FSHR: variants seen among roughly 807,000 people sequenced by gnomAD.
FSHR encodes follicle stimulating hormone receptor, also known as follicle-stimulating hormone receptor.
FSHR carries 46 observed loss-of-function variants against 52.1 expected under a neutral mutation model. That is an observed-to-expected ratio of 0.88 (90% CI 0.70 to 1.13). The LOEUF (loss-of-function observed/expected upper bound fraction) is 1.13. Ranked by LOEUF, FSHR falls within the 50% of genes most tolerant of loss-of-function variation. The pLI is 0.00. For missense variants in FSHR, 964 were observed against 834.6 expected (o/e 1.16, Z -1.91); for synonymous variants, 399 against 309.6 (o/e 1.29, Z -3.03).
At chr2:49,008,166 ATCCC>A (rs1490117666) in intron 4 of FSHR, among the ~76,000 whole-genome samples, 1 of 50,642 alleles carries the variant, frequency 2.0e-5, no homozygotes, top group African/African-American at 4.7e-5. Flanking sequence ...TCCCAATGCT[ATCCC>A]TCCCCCCTCC....
intron 1 of FSHR, among the ~76,000 whole-genome samples, chr2:49,115,467 G>A (rs1171539436): frequency 6.6e-6 from 1 of 152,108 alleles, no homozygotes; most frequent in Non-Finnish European, 1.5e-5. Flanking sequence ...TAAACCAATA[G>A]TTGTTAATTC....
At chr2:49,030,563 C>T (rs141996167) in intron 2 of FSHR, among the ~76,000 whole-genome samples, 240 of 152,108 alleles carry the variant, frequency 1.6e-3, no homozygotes, top group African/African-American at 5.5e-3. Context: ...CTTTATGAGC[C>T]ACAGTGAAGG....
At chr2:49,113,533 T>C (rs554893000) in intron 1 of FSHR, among the ~76,000 whole-genome samples, 11 of 152,338 alleles carry the variant, frequency 7.2e-5, no homozygotes, top group African/African-American at 2.6e-4. Context: ...GAAACAAGAT[T>C]TAAATAAAAA....
chr2:49,086,742 G>A, intron 1 of FSHR, among the ~76,000 whole-genome samples: 1 of 152,180 alleles, frequency 6.6e-6, no homozygotes, highest in East Asian at 1.9e-4. Context: ...CCAGGTTCAA[G>A]TGATTCTCCC....
rs146467870 is a variant in FSHR, at chr2:48,978,167, G to T, written c.668+4745C>A. On this transcript the variant is annotated intron_variant, in intron 8 of 9. Coordinates refer to ENST00000406846, the MANE Select transcript of FSHR (RefSeq NM_000145.4). ...TGCATGGGTAGGAGGGTAGTAAGAGGCTGAGGCAGGAGAGGCAGGAGTTAA... is the reference window on the plus strand; with the variant it reads ...TGCATGGGTAGGAGGGTAGTAAGAGTCTGAGGCAGGAGAGGCAGGAGTTAA... Among the ~76,000 whole-genome samples, 66 of 152,320 alleles carry T rather than the reference G, an allele frequency of 4.3e-4. No individual in the cohort carries two copies. In the East Asian group the frequency reaches 0.012, roughly 27 times the overall value.
intron 1 of FSHR, among the ~76,000 whole-genome samples, chr2:49,085,010 C>G (rs71407550): frequency 1.3e-4 from 20 of 151,872 alleles, no homozygotes; most frequent in Non-Finnish European, 2.1e-4. Flanking sequence ...CCAGCATCAT[C>G]CTGATACCAA....
intron 2 of FSHR, among the ~76,000 whole-genome samples, chr2:49,060,781 C>G (rs1669259741): frequency 6.6e-6 from 1 of 152,186 alleles, no homozygotes; most frequent in East Asian, 1.9e-4. Flanking sequence ...AGATACCTCT[C>G]TCCCTGGGGA....
chr2:49,057,159 T>C (rs1382493860), intron 2 of FSHR, among the ~76,000 whole-genome samples: 1 of 151,676 alleles, frequency 6.6e-6, no homozygotes, highest in Non-Finnish European at 1.5e-5. Context: ...ACAAAAATAA[T>C]AAATATCAGA....
chr2:49,128,050 T>G (rs1439810156), intron 1 of FSHR, among the ~76,000 whole-genome samples: 7 of 151,394 alleles, frequency 4.6e-5, no homozygotes, highest in Admixed American at 2.6e-4. Context: ...CCTGGCTAAT[T>G]TTTCTATTTT....
intron 1 of FSHR, among the ~76,000 whole-genome samples, chr2:49,131,577 T>G (rs1672279121): frequency 6.6e-6 from 1 of 152,222 alleles, no homozygotes. Context: ...TTTTGTTTCT[T>G]TCTACCTAAA....
chr2:48,963,200 C>A lies in FSHR; in HGVS notation c.1621G>T (p.Ala541Ser). Residue 541 changes from alanine (A) to serine (S), a missense_variant, in exon 10 of 10, where the codon GCC becomes TCC. Physicochemically the swap from Ala to Ser is moderately conservative, Grantham distance 99 (BLOSUM62 1). Transcript: ENST00000406846. ...TAGCAGCCACAGATGACCACAAAGGCCAGGACATTGAGCACAAGGAGGGAC... is the reference window on the plus strand; with the variant it reads ...TAGCAGCCACAGATGACCACAAAGGACAGGACATTGAGCACAAGGAGGGAC... ...VMSLLVLNVL[A>S]FVVICGCYIH... The A allele has an allele frequency of 6.2e-7, 1 of 1,614,088 alleles. No individual in the cohort carries two copies. The highest frequency in any genetic ancestry group is 8.5e-7 in the Non-Finnish European group (1 of 1,180,014).
At chr2:49,088,774 A>G (rs1337011972) in intron 1 of FSHR, among the ~76,000 whole-genome samples, 1 of 152,210 alleles carries the variant, frequency 6.6e-6, no homozygotes. Flanking sequence ...TTTAGAGTCC[A>G]TGAACTCTGG....
intron 2 of FSHR, among the ~76,000 whole-genome samples, chr2:49,021,762 T>C (rs1278910556): frequency 6.6e-6 from 1 of 150,612 alleles, no homozygotes; most frequent in Non-Finnish European, 1.5e-5. Flanking sequence ...ACATCTTTCA[T>C]GATTTATTTG....
rs752180723 is a variant in FSHR, at chr2:49,091,276, AT to A, written c.153-22987del. On this transcript the variant is annotated intron_variant, in intron 1 of 9. Transcript: ENST00000406846. Reference sequence around the variant, plus strand: ...TAGATTTATGATACAATTTGGGAGAATTTTTGTGTACGGTATGAGGTTTAGA... The same window carrying A: ...TAGATTTATGATACAATTTGGGAGAATTTTGTGTACGGTATGAGGTTTAGA... 1.8e-4 allele frequency among the ~76,000 whole-genome samples: 27 copies of A among 152,026 alleles called. 5 individuals are homozygous for A. Among genetic ancestry groups the A allele is most frequent in the Admixed American group, 1.5e-3 (23 of 15,252 alleles).
chr2:49,129,103 G>T (rs1227782855), intron 1 of FSHR, among the ~76,000 whole-genome samples: 1 of 149,944 alleles, frequency 6.7e-6, no homozygotes, highest in Non-Finnish European at 1.5e-5. Context: ...TGTCCCAAAT[G>T]GTACTTTTGT....
At chr2:49,087,240 T>G (rs1321459570) in intron 1 of FSHR, among the ~76,000 whole-genome samples, 1 of 152,012 alleles carries the variant, frequency 6.6e-6, no homozygotes, top group Non-Finnish European at 1.5e-5. Context: ...TTTTGGTAAC[T>G]GGGGCCAGAT....
intron 2 of FSHR, among the ~76,000 whole-genome samples, chr2:49,053,401 A>G (rs1668940157): frequency 6.6e-6 from 1 of 152,198 alleles, no homozygotes; most frequent in African/African-American, 2.4e-5. Flanking sequence ...TGGTTACCAT[A>G]AATCACCACA....
chr2:48,973,672 T>C (rs901314328), intron 8 of FSHR, among the ~76,000 whole-genome samples: 1 of 152,230 alleles, frequency 6.6e-6, no homozygotes, highest in Non-Finnish European at 1.5e-5. Context: ...TCCTTGAAGG[T>C]ATAAGGCTCT....
In FSHR at chr2:49,141,434, C is replaced by T. The variant is rs543333816; in HGVS notation, c.152+12832G>A. Among the ~76,000 whole-genome samples, 10 of 152,118 alleles carry T rather than the reference C, an allele frequency of 6.6e-5. No individual in the cohort carries two copies. The South Asian group carries it at 1.7e-3, about 25-fold the overall frequency. ...AGTTGAAGGAGGAACAGGAATCCCA[C>T]GTGGCAGAGCAGGAGCAAGGTAGTG... On this transcript the variant is annotated intron_variant, in intron 1 of 9. Transcript: ENST00000406846.
Sources: allele counts gnomAD v4.1 joint callset (sites outside exome capture counted in the v4.1 genomes callset), GRCh38; gene constraint gnomAD v4.1.1; transcripts MANE v1.5; gene names NCBI Gene and HGNC (gene_info 2026-07-23, HGNC 2026-07-21).